EPHA6: variants seen among roughly 807,000 people sequenced by gnomAD.
EPHA6 encodes EPH receptor A6, also known as ephrin type-A receptor 6.
Under a neutral mutation model 112.0 loss-of-function variants are expected in EPHA6, and 50 were observed. The observed-to-expected ratio is 0.45, with a 90% confidence interval of 0.36 to 0.56. EPHA6 has a LOEUF of 0.56. Ranked by LOEUF, EPHA6 falls within the 20% of genes least tolerant of loss-of-function variation. The pLI is 0.00. For missense variants in EPHA6, 1,280 were observed against 1,417.4 expected, an observed-to-expected ratio of 0.90 and a Z score of 1.56; for synonymous variants, 529 against 490.7, an observed-to-expected ratio of 1.08 and a Z score of -1.03.
At chr3:96,989,333 C>T (rs1326980590) in intron 3 of EPHA6, among the ~76,000 whole-genome samples, 3 of 152,162 alleles carry the variant, frequency 2.0e-5, no homozygotes, top group South Asian at 2.1e-4. Flanking sequence ...CATGAGAAGT[C>T]GGTAGTATAT....
chr3:97,066,349 TCTA>T (rs2046178610), intron 3 of EPHA6, among the ~76,000 whole-genome samples: 1 of 152,116 alleles, frequency 6.6e-6, no homozygotes, highest in Non-Finnish European at 1.5e-5. Context: ...TGAAAATTTC[TCTA>T]ATAAATACTA....
chr3:97,443,401 C>G (rs896469838), intron 6 of EPHA6, among the ~76,000 whole-genome samples: 1 of 144,920 alleles, frequency 6.9e-6, no homozygotes, highest in Non-Finnish European at 1.5e-5. Flanking sequence ...TAGAGTACTA[C>G]ATATTAATAG....
At chr3:97,086,957 C>T (rs2046923109) in intron 3 of EPHA6, among the ~76,000 whole-genome samples, 1 of 151,956 alleles carries the variant, frequency 6.6e-6, no homozygotes, top group Admixed American at 6.6e-5. Context: ...AGATTCATTG[C>T]TTTTAGTATC....
At chr3:97,434,495 G>T (rs968961662) in intron 6 of EPHA6, among the ~76,000 whole-genome samples, 1 of 152,104 alleles carries the variant, frequency 6.6e-6, no homozygotes, top group Non-Finnish European at 1.5e-5. Flanking sequence ...CCAGATAATT[G>T]TAGTGTTTAT....
chr3:97,035,272 T>G (rs1041651466), intron 3 of EPHA6, among the ~76,000 whole-genome samples: 3 of 151,944 alleles, frequency 2.0e-5, no homozygotes, highest in African/African-American at 7.2e-5. Flanking sequence ...CCCTGTCTTC[T>G]TTTTTCTTAT....
intron 14 of EPHA6, among the ~76,000 whole-genome samples, chr3:97,684,709 T>C (rs1044785607): frequency 1.3e-5 from 2 of 152,106 alleles, no homozygotes; most frequent in African/African-American, 4.8e-5. Flanking sequence ...GAGCATGCCA[T>C]AGAGTACCTA....
At chr3:97,194,239 T>C (rs2077382114) in intron 3 of EPHA6, among the ~76,000 whole-genome samples, 1 of 152,076 alleles carries the variant, frequency 6.6e-6, no homozygotes, top group Non-Finnish European at 1.5e-5. Context: ...GAGTTCACCA[T>C]ATTCCATAGG....
intron 10 of EPHA6, among the ~76,000 whole-genome samples, chr3:97,521,387 A>G (rs927671358): frequency 9.9e-5 from 15 of 152,178 alleles, no homozygotes; most frequent in Admixed American, 2.6e-4. Flanking sequence ...CATAAAGGAA[A>G]GTGGTTTAAT....
chr3:97,409,944 T>A (rs2087603757), intron 6 of EPHA6, among the ~76,000 whole-genome samples: 1 of 152,080 alleles, frequency 6.6e-6, no homozygotes, highest in Non-Finnish European at 1.5e-5. Flanking sequence ...GTTCACAGAT[T>A]ATAGAAAAAC....
intron 10 of EPHA6, among the ~76,000 whole-genome samples, chr3:97,492,641 G>A (rs1330248978): frequency 7.5e-6 from 1 of 133,514 alleles, no homozygotes; most frequent in Non-Finnish European, 1.5e-5. Flanking sequence ...GCTAAGGAAA[G>A]TATAATATAT....
intron 9 of EPHA6, among the ~76,000 whole-genome samples, chr3:97,482,447 G>A (rs1041383421): frequency 2.0e-5 from 3 of 152,192 alleles, no homozygotes; most frequent in African/African-American, 7.2e-5. Flanking sequence ...TGGATGCTTT[G>A]AGAAGTCAAG....
chr3:97,468,565 A>C (rs1178152980), intron 7 of EPHA6, among the ~76,000 whole-genome samples: 2 of 151,648 alleles, frequency 1.3e-5, no homozygotes, highest in African/African-American at 4.8e-5. Context: ...GACTATTTTT[A>C]CTTTTTTTCA....
At chr3:97,123,416 AGGATTATT>A (rs2048098083) in intron 3 of EPHA6, among the ~76,000 whole-genome samples, 2 of 152,104 alleles carry the variant, frequency 1.3e-5, no homozygotes, top group African/African-American at 4.8e-5. Context: ...GTGTAATACT[AGGATTATT>A]GGCATCGACA....
At chr3:97,400,558 A>T (rs2086935875) in intron 5 of EPHA6, among the ~76,000 whole-genome samples, 1 of 151,744 alleles carries the variant, frequency 6.6e-6, no homozygotes, top group Admixed American at 6.6e-5. Context: ...ATCCATGAGC[A>T]TAGCATGTCT....
intron 3 of EPHA6, among the ~76,000 whole-genome samples, chr3:97,067,952 C>G (rs2046230006): frequency 1.3e-5 from 2 of 151,762 alleles, no homozygotes; most frequent in African/African-American, 4.8e-5. Context: ...CGAGACCAGC[C>G]TAGCCAACAT....
intron 1 of EPHA6, among the ~76,000 whole-genome samples, chr3:96,831,144 T>C (rs2107275200): frequency 6.6e-6 from 1 of 152,256 alleles, no homozygotes; most frequent in Non-Finnish European, 1.5e-5. Context: ...AATATTGTCA[T>C]TTTTACTCTC....
Position 97,405,175 on chromosome 3 carries a change from G to A in EPHA6, c.1632G>A (p.Arg544=). The A allele has an allele frequency of 6.2e-7, 1 of 1,602,224 alleles. No individual in the cohort carries two copies. Among genetic ancestry groups the A allele is most frequent in the Non-Finnish European group, 8.5e-7 (1 of 1,173,400 alleles). Residue 544 remains arginine (R), a synonymous_variant, in exon 6 of 18, where the codon AGG becomes AGA. Coordinates refer to ENST00000389672, the MANE Select transcript of EPHA6 (RefSeq NM_001080448.3). The stretch of plus-strand genomic sequence containing the variant: ...CACCTTCCCTGATAGGTGTGGTAAG[G>A]AAGGACTGGGCATCCCAAAATAGCA... ...QDAPSLIGVV[R]KDWASQNSIA... is the part of the protein sequence containing the mutation.
intron 1 of EPHA6, among the ~76,000 whole-genome samples, chr3:96,842,239 T>C (rs772524058): frequency 2.0e-5 from 3 of 152,130 alleles, no homozygotes; most frequent in Non-Finnish European, 1.5e-5. Flanking sequence ...TTCAATTTCA[T>C]ACAATAACAT....
chr3:97,512,013 A>G (rs2092372914), intron 10 of EPHA6, among the ~76,000 whole-genome samples: 1 of 152,208 alleles, frequency 6.6e-6, no homozygotes, highest in Non-Finnish European at 1.5e-5. Flanking sequence ...GAAACACAAT[A>G]TTCTTAATAA....
Sources: gnomAD v4.1 joint callset for allele counts (sites outside exome capture counted in the v4.1 genomes callset) on GRCh38, gnomAD v4.1.1 for gene constraint, MANE v1.5 for transcripts, NCBI Gene and HGNC (gene_info 2026-07-23, HGNC 2026-07-21) for gene names.